RALGAPB: variants seen among roughly 807,000 people sequenced by gnomAD.
RALGAPB encodes the protein Ral GTPase activating protein non-catalytic subunit beta.
Under a neutral mutation model 161.1 loss-of-function variants are expected in RALGAPB, and 25 were observed. The observed-to-expected ratio is 0.16, with a 90% confidence interval of 0.11 to 0.22. The LOEUF (loss-of-function observed/expected upper bound fraction) is 0.22, where lower values mean the gene tolerates loss of function less well. Among genes scored for constraint, RALGAPB ranks in the 10% least tolerant of loss-of-function variants. The pLI, the probability that RALGAPB is intolerant of heterozygous loss-of-function variation, is 1.00. For missense variants in RALGAPB, 1,391 were observed against 1,815.2 expected, an observed-to-expected ratio of 0.77 and a Z score of 4.25; for synonymous variants, 629 against 626.1, an observed-to-expected ratio of 1.00 and a Z score of -0.07.
chr20:38,549,675 A>C (rs1363921867), intron 20 of RALGAPB, among the ~76,000 whole-genome samples: 1 of 152,044 alleles, frequency 6.6e-6, no homozygotes, highest in African/African-American at 2.4e-5. Context: ...AATTATGTGA[A>C]TAATACTTGA....
At chr20:38,527,484 C>A (rs2086508072) in intron 13 of RALGAPB, among the ~76,000 whole-genome samples, 1 of 152,116 alleles carries the variant, frequency 6.6e-6, no homozygotes, top group Admixed American at 6.6e-5. Context: ...ACATGATTTT[C>A]TAGACTCACA....
At chr20:38,489,290 C>G (rs940171836) in intron 2 of RALGAPB, among the ~76,000 whole-genome samples, 1 of 152,168 alleles carries the variant, frequency 6.6e-6, no homozygotes, top group African/African-American at 2.4e-5. Context: ...GATTCTTCCA[C>G]CCCAGTGAGT....
In RALGAPB at chr20:38,502,048, G is replaced by A. The variant is rs77788536; in HGVS notation, c.740+2415G>A. On this transcript the variant is annotated intron_variant, in intron 5 of 29. Coordinates refer to ENST00000262879, the MANE Select transcript of RALGAPB (RefSeq NM_020336.4). ...TATACATGATACCATTTGCAGTAAT[G>A]TAAACAATAGGTAAAGAAATGTAAA... 3.9e-4 allele frequency among the ~76,000 whole-genome samples: 60 copies of A among 152,266 alleles called. No individual in the cohort carries two copies. In the East Asian group the frequency reaches 0.011, roughly 29 times the overall value.
intron 23 of RALGAPB, among the ~76,000 whole-genome samples, chr20:38,559,757 A>G (rs1467895170): frequency 6.6e-6 from 1 of 152,216 alleles, no homozygotes; most frequent in African/African-American, 2.4e-5. Flanking sequence ...AAAGAGACTA[A>G]GAGAAGGACG....
At chr20:38,558,191 T>TA in intron 22 of RALGAPB, 104 bp from the exon 23 acceptor site, 1 of 1,016,128 alleles carries the variant, frequency 9.8e-7, no homozygotes, top group Middle Eastern at 3.4e-4. Flanking sequence ...CCATTCTATA[T>TA]TTTTTAATTT....
At chr20:38,498,204 T>G (rs999023040) in intron 4 of RALGAPB, among the ~76,000 whole-genome samples, 1 of 152,182 alleles carries the variant, frequency 6.6e-6, no homozygotes, top group Non-Finnish European at 1.5e-5. Context: ...AAATGAAACC[T>G]CCAAAGTCTT....
chr20:38,511,727 C>G (rs1385251717), intron 6 of RALGAPB, among the ~76,000 whole-genome samples: 1 of 152,242 alleles, frequency 6.6e-6, no homozygotes, highest in Non-Finnish European at 1.5e-5. Context: ...CCTATGTCTA[C>G]TTCTTTCTAC....
intron 12 of RALGAPB, 66 bp downstream of exon 12, chr20:38,525,584 G>T: frequency 8.3e-7 from 1 of 1,211,390 alleles, no homozygotes; most frequent in Non-Finnish European, 1.2e-6. Context: ...AAGTCAAATC[G>T]AATGTTAAAA....
intron 13 of RALGAPB, among the ~76,000 whole-genome samples, chr20:38,527,757 A>G (rs972133916): frequency 2.0e-5 from 3 of 152,228 alleles, no homozygotes; most frequent in African/African-American, 7.2e-5. Context: ...GCTTGAAATT[A>G]TATAATTTCT....
intron 12 of RALGAPB, 120 bp from the exon 13 acceptor site, chr20:38,525,775 G>A: frequency 1.9e-6 from 2 of 1,043,732 alleles, no homozygotes; most frequent in Non-Finnish European, 2.8e-6. Flanking sequence ...TCAGCACAGT[G>A]GCTAATATTA....
At chr20:38,562,912 C>CA (rs2087838633) in intron 24 of RALGAPB, among the ~76,000 whole-genome samples, 1 of 152,026 alleles carries the variant, frequency 6.6e-6, no homozygotes, top group African/African-American at 2.4e-5. Context: ...ACCATCTCTA[C>CA]AAAAAATGAA....
At chr20:38,481,950 A>T (rs1209766974) in intron 1 of RALGAPB, among the ~76,000 whole-genome samples, 1 of 152,196 alleles carries the variant, frequency 6.6e-6, no homozygotes, top group Admixed American at 6.6e-5. Context: ...TCTACCACTA[A>T]GTTAAAACTA....
rs775783924 is a variant in RALGAPB, at chr20:38,475,652, T to TC, written c.-31+2588dup. Among the ~76,000 whole-genome samples the TC allele has an allele frequency of 1.2e-3, 176 of 151,436 alleles. 3 individuals are homozygous for TC. The highest frequency in any genetic ancestry group is 4.0e-4 in the Non-Finnish European group (27 of 67,836). On this transcript the variant is annotated intron_variant, in intron 1 of 29. Transcript: ENST00000262879. ...TTTTTTGAGATGCAGTCTCGCTCTG[T>TC]CCCCCAGGCTGGAGTGTAGTGGCGC...
At chr20:38,474,654 C>T (rs1244860753) in intron 1 of RALGAPB, among the ~76,000 whole-genome samples, 2 of 152,204 alleles carry the variant, frequency 1.3e-5, no homozygotes, top group Admixed American at 1.3e-4. Flanking sequence ...TCCCTGACCC[C>T]TACCCACCTT....
At chr20:38,510,157 CACACACACAG>C (rs901404840) in intron 6 of RALGAPB, among the ~76,000 whole-genome samples, 2 of 151,292 alleles carry the variant, frequency 1.3e-5, no homozygotes, top group African/African-American at 2.4e-5. Context: ...CACACACACA[CACACACACAG>C]ACACACGCAT....
chr20:38,532,922 A>G, intron 15 of RALGAPB, 63 bp downstream of exon 15: 1 of 1,496,932 alleles, frequency 6.7e-7, no homozygotes, highest in East Asian at 2.4e-5. Context: ...TACATTTATA[A>G]AACAAAAACA....
chr20:38,557,704 G>T (rs2087636531), intron 22 of RALGAPB, among the ~76,000 whole-genome samples: 1 of 151,978 alleles, frequency 6.6e-6, no homozygotes, highest in African/African-American at 2.4e-5. Context: ...TGTCTTTTTG[G>T]GTTGGTGGTT....
At chr20:38,477,809 A>G (rs1296572115) in intron 1 of RALGAPB, among the ~76,000 whole-genome samples, 1 of 152,184 alleles carries the variant, frequency 6.6e-6, no homozygotes, top group Non-Finnish European at 1.5e-5. Flanking sequence ...CCTGTTTTAC[A>G]GATGAGGAAA....
At chr20:38,512,114 T>C (rs562763137) in intron 6 of RALGAPB, among the ~76,000 whole-genome samples, 2 of 152,382 alleles carry the variant, frequency 1.3e-5, no homozygotes, top group East Asian at 3.9e-4. Flanking sequence ...TAGGTATTTG[T>C]TGCTGATGTT....
Sources: allele counts gnomAD v4.1 joint callset (sites outside exome capture counted in the v4.1 genomes callset), GRCh38; gene constraint gnomAD v4.1.1; transcripts MANE v1.5; gene names NCBI Gene and HGNC (gene_info 2026-07-23, HGNC 2026-07-21).